The following SLC2A10 variants were observed in gnomAD, a reference collection of about 807,000 sequenced individuals.
SLC2A10 encodes the protein solute carrier family 2, facilitated glucose transporter member 10.
A neutral mutation model predicts 32.1 loss-of-function variants in SLC2A10; 25 were observed. The observed-to-expected ratio is 0.78, with a 90% CI of 0.57 to 1.09. SLC2A10 has a LOEUF of 1.09. Among genes scored for constraint, SLC2A10 ranks in the 50% least tolerant of loss-of-function variants. The probability of loss-of-function intolerance (pLI) is 0.00; values close to 1 mark genes in which losing one functional copy is unlikely to be tolerated. For synonymous variants in SLC2A10, 332 were observed against 309.6 expected, an observed-to-expected ratio of 1.07 and a Z score of -0.76; for missense variants, 673 against 686.5, an observed-to-expected ratio of 0.98 and a Z score of 0.22.
At chr20:46,715,150 A>T (rs777378060) in intron 1 of SLC2A10, among the ~76,000 whole-genome samples, 1 of 152,198 alleles carries the variant, frequency 6.6e-6, no homozygotes, top group Non-Finnish European at 1.5e-5. Flanking sequence ...TGTTATGAGG[A>T]TGAATTGAGG....
intron 1 of SLC2A10, among the ~76,000 whole-genome samples, chr20:46,717,028 AG>A: frequency 6.6e-6 from 1 of 152,212 alleles, no homozygotes; most frequent in Non-Finnish European, 1.5e-5. Context: ...CTAAAAAAAA[AG>A]AAAAGAAATT....
At chr20:46,732,093 G>C (rs1348183763) in intron 4 of SLC2A10, among the ~76,000 whole-genome samples, 1 of 152,216 alleles carries the variant, frequency 6.6e-6, no homozygotes, top group East Asian at 1.9e-4. Flanking sequence ...CTGTGCCTCA[G>C]ATGTGCTTGT....
intron 1 of SLC2A10, among the ~76,000 whole-genome samples, chr20:46,722,945 C>T (rs1979640425): frequency 1.3e-5 from 2 of 152,204 alleles, no homozygotes; most frequent in East Asian, 3.8e-4. Flanking sequence ...CGTTAGCACT[C>T]TTACCTGGAC....
chr20:46,720,456 T>C (rs1177264173), intron 1 of SLC2A10, among the ~76,000 whole-genome samples: 4 of 152,220 alleles, frequency 2.6e-5, no homozygotes, highest in Admixed American at 2.6e-4. Flanking sequence ...TAGGAAGAAT[T>C]TTTCAGAATT....
Position 46,726,146 on chromosome 20 carries a change from T to C in SLC2A10, c.1110T>C (p.Thr370=), listed in dbSNP as rs760859018. Residue 370 remains threonine (T), a synonymous_variant, in exon 2 of 5, where the codon ACT becomes ACC. Coordinates refer to ENST00000359271, the MANE Select transcript of SLC2A10 (RefSeq NM_030777.4). ...NEDQREPILS[T]AKKTKPHPRS... ...ACCAAAGGGAGCCAATCTTGTCCACTGCTAAGAAAACCAAGCCCCATCCCA... is the reference window on the plus strand; with the variant it reads ...ACCAAAGGGAGCCAATCTTGTCCACCGCTAAGAAAACCAAGCCCCATCCCA... 7 of 1,614,250 alleles carry C rather than the reference T, an allele frequency of 4.3e-6. No homozygotes were observed. The highest frequency in any genetic ancestry group is 1.7e-5 in the Admixed American group (1 of 60,030).
upstream of SLC2A10, chr20:46,709,444 C>G: frequency 2.3e-6 from 1 of 435,470 alleles, no homozygotes; most frequent in Non-Finnish European, 4.0e-6. Context: ...GAAGGGGACC[C>G]GGGAGATGGC....
rs79849424 is a variant in SLC2A10 at position 46,726,190 on chromosome 20, C to G, written c.1154C>G (p.Ala385Gly). ...KPHPRSGDPS[A>G]PPRLALSSAL... ...CATCCCAGATCTGGAGACCCCTCAG[C>G]CCCTCCTCGGCTGGCCCTGAGCTCT... The change falls in exon 2 of 5, where the codon GCC becomes GGC. Residue 385 changes from alanine (A) to glycine (G), a missense_variant. Coordinates refer to ENST00000359271, the MANE Select transcript of SLC2A10 (RefSeq NM_030777.4). 11,427 of 1,614,230 alleles carry G rather than the reference C, an allele frequency of 7.1e-3. 321 individuals are homozygous for G. The highest frequency in any genetic ancestry group is 0.057 in the African/African-American group (4,270 of 75,076).
At position 46,726,184 on chromosome 20, in the gene SLC2A10, C is replaced by T; in HGVS notation, c.1148C>T (p.Pro383Leu). ...AAGCCCCATCCCAGATCTGGAGACC[C>T]CTCAGCCCCTCCTCGGCTGGCCCTG... ...KTKPHPRSGDPSAPPRLALSS... is the reference protein window; with the variant it reads ...KTKPHPRSGDLSAPPRLALSS... Residue 383 changes from proline (P) to leucine (L), a missense_variant, in exon 2 of 5, where the codon CCC becomes CTC. Coordinates refer to ENST00000359271, the MANE Select transcript of SLC2A10 (RefSeq NM_030777.4). The T allele has an allele frequency of 9.3e-6, 15 of 1,614,256 alleles. No individual in the cohort carries two copies. The highest frequency in any genetic ancestry group is 1.3e-5 in the Non-Finnish European group (15 of 1,180,044).
In SLC2A10 at chr20:46,709,697, C is replaced by G; in HGVS notation, c.-40C>G. ...ACTCCGGCGGGGGATGCGCGCCCGG[C>G]CCCTCAGCGCCCCCAGCACGCCGCC... is the stretch of plus-strand genomic sequence containing the variant. On this transcript the variant is annotated 5_prime_UTR_variant, in exon 1 of 5. Coordinates refer to ENST00000359271, the MANE Select transcript of SLC2A10 (RefSeq NM_030777.4). The G allele has an allele frequency of 6.5e-7, 1 of 1,537,512 alleles. No homozygotes were observed. The highest frequency in any genetic ancestry group is 1.4e-5 in the African/African-American group (1 of 71,214).
At chr20:46,709,371 G>C (rs542828227), upstream of SLC2A10, 35 of 358,168 alleles carry the variant, frequency 9.8e-5, no homozygotes, top group Admixed American at 1.5e-3. Flanking sequence ...GACAGTGCGT[G>C]TGGGGTCTTC....
intron 1 of SLC2A10, among the ~76,000 whole-genome samples, chr20:46,711,315 C>G (rs1459519807): frequency 6.6e-6 from 1 of 152,144 alleles, no homozygotes; most frequent in African/African-American, 2.4e-5. Flanking sequence ...CAAGGTCACA[C>G]AGCTATGGAG....
Position 46,725,519 on chromosome 20 carries a change from C to A in SLC2A10, c.483C>A (p.Pro161=). ...YALNYALAGT[P]WGWRHMFGWA... is the part of the protein sequence containing the mutation. ...TCAACTATGCACTGGCTGGTACCCC[C>A]TGGGGATGGAGGCACATGTTCGGCT... Residue 161 remains proline (P), a synonymous_variant, in exon 2 of 5, where the codon CCC becomes CCA. Coordinates refer to ENST00000359271, the MANE Select transcript of SLC2A10 (RefSeq NM_030777.4). 6.2e-7 allele frequency: 1 copy of A among 1,614,204 alleles called. No homozygotes were observed. Among genetic ancestry groups the A allele is most frequent in the Non-Finnish European group, 8.5e-7 (1 of 1,180,020 alleles).
chr20:46,728,260 C>T (rs1057189952), intron 3 of SLC2A10, among the ~76,000 whole-genome samples: 3 of 152,160 alleles, frequency 2.0e-5, no homozygotes, highest in East Asian at 1.9e-4. Context: ...TCCCTGCTGG[C>T]GATAGGTCCA....
chr20:46,726,707 C>A (rs1410129672), intron 2 of SLC2A10, among the ~76,000 whole-genome samples, 157 bp from the exon 3 acceptor site: 1 of 152,208 alleles, frequency 6.6e-6, no homozygotes, highest in Non-Finnish European at 1.5e-5. Flanking sequence ...CAAACTGAGA[C>A]TCTACTGTAA....
chr20:46,709,556 C>G, upstream of SLC2A10: 2 of 708,338 alleles, frequency 2.8e-6, no homozygotes, highest in Non-Finnish European at 4.2e-6. Context: ...CGCCTCCAGG[C>G]CTCGGGGCCT....
rs934068232 is a variant in SLC2A10, at chr20:46,734,161, G to T, written c.*327G>T. ...TGGACTTTTCTCAAAGAATCTCAAG[G>T]GTACCAATCCTGGCAGGAAGTCTCT... On this transcript the variant is annotated 3_prime_UTR_variant, in exon 5 of 5. Coordinates refer to ENST00000359271, the MANE Select transcript of SLC2A10 (RefSeq NM_030777.4). 3 of 413,794 alleles carry T rather than the reference G, an allele frequency of 7.2e-6. No homozygotes were observed. Among genetic ancestry groups the T allele is most frequent in the Non-Finnish European group, 9.0e-6 (2 of 222,746 alleles). The allele number at this position is 413,794 out of a possible 1,614,324, so 25.6% of individuals were successfully genotyped here.
chr20:46,733,491 G>C (rs890132078), intron 4 of SLC2A10, among the ~76,000 whole-genome samples: 1 of 152,192 alleles, frequency 6.6e-6, no homozygotes, highest in Admixed American at 6.5e-5. Context: ...GAGAGTGACA[G>C]ATTTTTGCGT....
chr20:46,709,072 G>A (rs1364712601), upstream of SLC2A10, among the ~76,000 whole-genome samples: 1 of 152,150 alleles, frequency 6.6e-6, no homozygotes, highest in Non-Finnish European at 1.5e-5. Context: ...CTCCTAGAAT[G>A]TAAACTCTTC....
chr20:46,715,295 CCTGCA>C (rs1979170510), intron 1 of SLC2A10, among the ~76,000 whole-genome samples: 1 of 152,164 alleles, frequency 6.6e-6, no homozygotes, highest in African/African-American at 2.4e-5. Flanking sequence ...TTCAACTGAA[CCTGCA>C]CTGATGTGTT....
Sources: gnomAD v4.1 joint callset for allele counts (sites outside exome capture counted in the v4.1 genomes callset) on GRCh38, gnomAD v4.1.1 for gene constraint, MANE v1.5 for transcripts, NCBI Gene and HGNC (gene_info 2026-07-23, HGNC 2026-07-21) for gene names.